FAM124A: variants seen among roughly 807,000 people sequenced by gnomAD.
FAM124A encodes family with sequence similarity 124 member A.
Under a neutral mutation model 24.5 loss-of-function variants are expected in FAM124A, and 23 were observed. That is an observed-to-expected ratio of 0.94 (90% confidence interval 0.68 to 1.33). The LOEUF is 1.33. Ranked by LOEUF, FAM124A falls within the 40% of genes most tolerant of loss-of-function variation. FAM124A has a pLI of 0.00. For missense variants in FAM124A, 623 were observed against 722.8 expected, an observed-to-expected ratio of 0.86 and a Z score of 1.58; for synonymous variants, 287 against 314.7, an observed-to-expected ratio of 0.91 and a Z score of 0.93.
At chr13:51,277,528 C>T (rs1197658333) in intron 3 of FAM124A, among the ~76,000 whole-genome samples, 1 of 152,254 alleles carries the variant, frequency 6.6e-6, no homozygotes, top group African/African-American at 2.4e-5. Flanking sequence ...GGCATGGTGG[C>T]TCACGCCTGT....
At chr13:51,229,657 A>C (rs187829492) in intron 1 of FAM124A, among the ~76,000 whole-genome samples, 176 of 152,356 alleles carry the variant, frequency 1.2e-3, no homozygotes, top group East Asian at 4.0e-3. Context: ...GTATTTGAAT[A>C]GTCATGACAT....
intron 1 of FAM124A, chr13:51,227,368 A>G (rs992926903): frequency 6.6e-6 from 1 of 152,182 alleles, no homozygotes; most frequent in Non-Finnish European, 1.5e-5. Flanking sequence ...TCTGTAATTA[A>G]TTCTTGTTTT....
At chr13:51,232,257 T>A (rs142343436) in intron 2 of FAM124A, among the ~76,000 whole-genome samples, 1 of 152,302 alleles carries the variant, frequency 6.6e-6, no homozygotes, top group African/African-American at 2.4e-5. Context: ...TTGAGAGTGA[T>A]TAAGATTACT....
At chr13:51,273,066 AAATTT>A (rs1474456882) in intron 3 of FAM124A, among the ~76,000 whole-genome samples, 1 of 152,246 alleles carries the variant, frequency 6.6e-6, no homozygotes, top group Non-Finnish European at 1.5e-5. Context: ...ATAAAAATAA[AAATTT>A]AATTCAAAAA....
chr13:51,249,800 C>T (rs1488564868), intron 2 of FAM124A, among the ~76,000 whole-genome samples: 1 of 152,228 alleles, frequency 6.6e-6, no homozygotes, highest in African/African-American at 2.4e-5. Flanking sequence ...TGTTTCCCCA[C>T]TCAGTCACAA....
intron 3 of FAM124A, among the ~76,000 whole-genome samples, chr13:51,279,727 AC>A (rs1277374675): frequency 6.6e-6 from 1 of 152,108 alleles, no homozygotes; most frequent in Non-Finnish European, 1.5e-5. Context: ...TGCTCATCCA[AC>A]CCCTGCAGGA....
In FAM124A at chr13:51,251,677, G is replaced by A; in HGVS notation, c.310G>A (p.Val104Met). ...PKGAQPALAV[V>M]LFLQEEYGEE... Reference sequence around the variant, plus strand: ...GGGCGCTCAGCCAGCGCTGGCTGTGGTGCTGTTCCTGCAGGAGGAGTACGG... The same window carrying A: ...GGGCGCTCAGCCAGCGCTGGCTGTGATGCTGTTCCTGCAGGAGGAGTACGG... Residue 104 changes from valine to methionine, a missense_variant, in exon 3 of 4, where the codon GTG (valine) becomes ATG (methionine). Physicochemically the swap from Val to Met is conservative, Grantham distance 21 (BLOSUM62 1). Transcript: ENST00000322475. This position sits in a 1 kb window ranked among gnomAD's most constrained non-coding sequence, Gnocchi z 5.3. 1 of 1,589,626 alleles carries A rather than the reference G, an allele frequency of 6.3e-7. No homozygotes were observed.
At chr13:51,252,355 C>T in intron 3 of FAM124A, 154 bp downstream of exon 3, 2 of 1,041,068 alleles carry the variant, frequency 1.9e-6, no homozygotes, top group Non-Finnish European at 2.7e-6. Context: ...AGTGGCCATA[C>T]AGGATCCCAA....
At chr13:51,254,859 T>C (rs1566169496) in intron 3 of FAM124A, among the ~76,000 whole-genome samples, 1 of 152,204 alleles carries the variant, frequency 6.6e-6, no homozygotes, top group Non-Finnish European at 1.5e-5. Flanking sequence ...AGAATATTAT[T>C]AATTATGTAT....
chr13:51,266,848 G>A (rs1373440184), intron 3 of FAM124A, among the ~76,000 whole-genome samples: 1 of 152,166 alleles, frequency 6.6e-6, no homozygotes, highest in Non-Finnish European at 1.5e-5. Flanking sequence ...GTAATCTTTA[G>A]GTCAGGAGGA....
chr13:51,280,132 G>C (rs910162167), intron 3 of FAM124A, among the ~76,000 whole-genome samples: 2 of 152,196 alleles, frequency 1.3e-5, no homozygotes, highest in Non-Finnish European at 2.9e-5. Context: ...CCGTTATCCT[G>C]CTCAGCCAGG....
intron 3 of FAM124A, among the ~76,000 whole-genome samples, chr13:51,261,478 C>T (rs544224348): frequency 3.3e-5 from 5 of 152,266 alleles, no homozygotes; most frequent in Admixed American, 6.5e-5. Flanking sequence ...TTTAATATTC[C>T]GGCGGCAGGT....
intron 1 of FAM124A, among the ~76,000 whole-genome samples, chr13:51,230,817 C>T (rs1954367861): frequency 1.3e-5 from 2 of 152,214 alleles, no homozygotes; most frequent in African/African-American, 2.4e-5. Context: ...TCAGATGGAA[C>T]TGAAATCAGT....
chr13:51,271,507 C>T (rs1204763607), intron 3 of FAM124A, among the ~76,000 whole-genome samples: 1 of 152,052 alleles, frequency 6.6e-6, no homozygotes, highest in African/African-American at 2.4e-5. Context: ...GAAAGTTGGC[C>T]CTTGTCCGGC....
chr13:51,252,366 C>A (rs375899047), intron 3 of FAM124A, 165 bp downstream of exon 3: 9 of 894,412 alleles, frequency 1.0e-5, no homozygotes, highest in Middle Eastern at 5.8e-4. Flanking sequence ...AGGATCCCAA[C>A]AAAAGAGGGG....
Position 51,281,204 on chromosome 13 carries a change from C to A in FAM124A, c.1589C>A (p.Pro530His). The stretch of plus-strand genomic sequence containing the variant: ...CAGACTGATGGAGACATGCCACCAC[C>A]CCCAGGGTCGGCTGGCCCCGGGGAT... ...VKQTDGDMPP[P>H]PGSAGPGDND... The change falls in exon 4 of 4, where the codon CCC (proline) becomes CAC (histidine). Residue 530 changes from proline to histidine, a missense_variant. Pro to His is a moderately conservative substitution (Grantham distance 77, BLOSUM62 -2). Transcript: ENST00000322475. 2 of 1,607,652 alleles carry A rather than the reference C, an allele frequency of 1.2e-6. No homozygotes were observed. Among genetic ancestry groups the A allele is most frequent in the African/African-American group, 2.7e-5 (2 of 74,932 alleles).
At chr13:51,275,850 C>G (rs1340196314) in intron 3 of FAM124A, among the ~76,000 whole-genome samples, 1 of 152,206 alleles carries the variant, frequency 6.6e-6, no homozygotes, top group Admixed American at 6.5e-5. Context: ...TGCTGTGGCC[C>G]AGCATTTCCA....
chr13:51,278,733 C>T (rs910572961), intron 3 of FAM124A, among the ~76,000 whole-genome samples: 2 of 152,196 alleles, frequency 1.3e-5, no homozygotes, highest in Non-Finnish European at 2.9e-5. Flanking sequence ...GGATTCCTAC[C>T]TTCGTCATGT....
At chr13:51,243,986 G>A (rs552142868) in intron 2 of FAM124A, among the ~76,000 whole-genome samples, 19 of 152,314 alleles carry the variant, frequency 1.2e-4, no homozygotes, top group Middle Eastern at 3.4e-3. Flanking sequence ...ACTCAGTGCC[G>A]TTGATGGGGG....
Sources: allele counts gnomAD v4.1 joint callset (sites outside exome capture counted in the v4.1 genomes callset), GRCh38; gene constraint gnomAD v4.1.1; non-coding constraint Gnocchi (gnomAD v3.1); transcripts MANE v1.5; gene names NCBI Gene and HGNC (gene_info 2026-07-23, HGNC 2026-07-21).